FGF12: variants seen among roughly 807,000 people sequenced by gnomAD.
FGF12 encodes fibroblast growth factor 12.
Under a neutral mutation model 23.6 loss-of-function variants are expected in FGF12, and 14 were observed. The observed-to-expected ratio is 0.59, with a 90% CI of 0.39 to 0.93. FGF12 has a LOEUF of 0.93. FGF12 is among the 40% of genes least tolerant of loss of function. FGF12 has a pLI of 0.00. For missense variants in FGF12, 175 were observed against 217.8 expected, an observed-to-expected ratio of 0.80 and a Z score of 1.24; for synonymous variants, 62 against 77.3, an observed-to-expected ratio of 0.80 and a Z score of 1.04.
At chr3:192,312,850 T>C (rs1173664468) in intron 4 of FGF12, among the ~76,000 whole-genome samples, 1 of 152,152 alleles carries the variant, frequency 6.6e-6, no homozygotes, top group African/African-American at 2.4e-5. Flanking sequence ...TATTATAGTA[T>C]TAACGTATAG....
intron 4 of FGF12, among the ~76,000 whole-genome samples, chr3:192,219,683 G>A (rs766497746): frequency 3.9e-5 from 6 of 152,280 alleles, no homozygotes; most frequent in East Asian, 1.9e-4. Context: ...AGACCTACAC[G>A]ATCAGAAATT....
intron 2 of FGF12, among the ~76,000 whole-genome samples, chr3:192,420,141 C>T (rs1721475940): frequency 6.6e-6 from 1 of 151,952 alleles, no homozygotes; most frequent in African/African-American, 2.4e-5. Context: ...GGGTAAGGCA[C>T]CTCAAAATAA....
At chr3:192,190,280 G>T (rs1432571724) in intron 4 of FGF12, among the ~76,000 whole-genome samples, 1 of 151,836 alleles carries the variant, frequency 6.6e-6, no homozygotes, top group Admixed American at 6.6e-5. Context: ...GAAGTTTTAT[G>T]TTTCAAAAAT....
Position 192,529,971 on chromosome 3 carries a change from A to G in FGF12, c.14-169433T>C, listed in dbSNP as rs189135928. Among the ~76,000 whole-genome samples the G allele has an allele frequency of 2.4e-3, 371 of 152,312 alleles. 3 individuals carry two copies. Among genetic ancestry groups the G allele is most frequent in the Non-Finnish European group, 2.4e-3 (166 of 68,032 alleles). On this transcript the variant is annotated intron_variant, in intron 2 of 5. Transcript: ENST00000445105. ...TACACATATCTAATGGGTAGCAATT[A>G]AGGGAAGGTATCTAAAATGTCCATC...
At chr3:192,234,128 T>C in intron 4 of FGF12, among the ~76,000 whole-genome samples, 1 of 152,210 alleles carries the variant, frequency 6.6e-6, no homozygotes, top group Admixed American at 6.5e-5. Context: ...TGGTATTGAA[T>C]CTGTAAATTA....
At chr3:192,328,064 C>T (rs574969330) in intron 4 of FGF12, among the ~76,000 whole-genome samples, 41 of 152,248 alleles carry the variant, frequency 2.7e-4, no homozygotes, top group African/African-American at 9.1e-4. Context: ...TTTTCTTCTT[C>T]TGAGCTGGGG....
intron 2 of FGF12, among the ~76,000 whole-genome samples, chr3:192,661,937 G>A (rs899179296): frequency 1.3e-5 from 2 of 152,196 alleles, no homozygotes; most frequent in African/African-American, 2.4e-5. Context: ...ACAATATCAC[G>A]CTTGCCATAA....
At chr3:192,584,304 G>T (rs1031271032) in intron 2 of FGF12, among the ~76,000 whole-genome samples, 1 of 149,310 alleles carries the variant, frequency 6.7e-6, no homozygotes, top group African/African-American at 2.5e-5. Context: ...GATCTTCTTC[G>T]GCCTTGTAAA....
In FGF12 at chr3:192,408,737, C is replaced by G. The variant is rs965898941; in HGVS notation, c.14-48199G>C. On this transcript the variant is annotated intron_variant, in intron 2 of 5. Coordinates refer to ENST00000445105, the MANE Select transcript of FGF12 (RefSeq NM_004113.6). This position sits in a 1 kb window ranked among gnomAD's most constrained non-coding sequence, Gnocchi z 7.3. The stretch of plus-strand genomic sequence containing the variant: ...TCTGGACCCAGGCGGGTAGCGCGCC[C>G]CCGGTAGAAAATACTAAAAAGTGAA... 1 of 986,624 alleles carries G rather than the reference C, an allele frequency of 1.0e-6. No individual in the cohort carries two copies. Among genetic ancestry groups the G allele is most frequent in the Admixed American group, 6.1e-5 (1 of 16,296 alleles). 61.1% of individuals were successfully genotyped at this position (986,624 alleles called of 1,614,324 possible).
intron 2 of FGF12, among the ~76,000 whole-genome samples, chr3:192,509,192 G>A (rs371263112): frequency 1.1e-3 from 169 of 152,264 alleles, no homozygotes; most frequent in African/African-American, 3.5e-3. Flanking sequence ...AATTGGCATG[G>A]TGCAAGTATC....
chr3:192,327,741 C>T (rs528640408), intron 4 of FGF12, among the ~76,000 whole-genome samples: 2 of 151,930 alleles, frequency 1.3e-5, no homozygotes, highest in Admixed American at 6.6e-5. Flanking sequence ...GCTCTATTGC[C>T]CAGGCTGGAG....
intron 2 of FGF12, among the ~76,000 whole-genome samples, chr3:192,390,765 A>T (rs191192590): frequency 2.4e-4 from 36 of 152,312 alleles, no homozygotes; most frequent in African/African-American, 6.5e-4. Flanking sequence ...TGAAGAGATG[A>T]GTCAAAGATA....
At chr3:192,441,484 G>C (rs554544232) in intron 2 of FGF12, among the ~76,000 whole-genome samples, 7 of 152,228 alleles carry the variant, frequency 4.6e-5, no homozygotes, top group African/African-American at 1.7e-4. Context: ...CAGTGATGTT[G>C]CACGTTTTTT....
chr3:192,330,444 T>C (rs1717048386), intron 4 of FGF12, among the ~76,000 whole-genome samples: 1 of 152,088 alleles, frequency 6.6e-6, no homozygotes, highest in Non-Finnish European at 1.5e-5. Context: ...GGTCAAATCA[T>C]CTTCAACAAG....
At chr3:192,215,623 T>C (rs1386582112) in intron 4 of FGF12, among the ~76,000 whole-genome samples, 4 of 152,184 alleles carry the variant, frequency 2.6e-5, no homozygotes, top group Non-Finnish European at 4.4e-5. Flanking sequence ...CTGTACCTAT[T>C]ATCTCCTAGC....
chr3:192,679,635 CA>C (rs72404495), intron 2 of FGF12, among the ~76,000 whole-genome samples: 34 of 146,072 alleles, frequency 2.3e-4, no homozygotes, highest in Admixed American at 2.7e-4. Context: ...GCCTGCCAAC[CA>C]AAAAAAAAAA....
chr3:192,514,518 G>C lies in FGF12; in HGVS notation c.14-153980C>G, dbSNP rs372030012. 6 of 181,162 alleles carry C rather than the reference G, an allele frequency of 3.3e-5. No homozygotes were observed. The highest frequency in any genetic ancestry group is 1.4e-4 in the African/African-American group (6 of 42,060). 11.2% of individuals were successfully genotyped at this position (181,162 alleles called of 1,614,324 possible). A position where few individuals can be genotyped will look rare whatever the true frequency, so the allele number is the denominator to read the frequency against. On this transcript the variant is annotated intron_variant, in intron 2 of 5. Transcript: ENST00000445105. This position sits in a 1 kb window ranked among gnomAD's most constrained non-coding sequence, Gnocchi z 4.9. ...ATACCCACAGACAGAACCAGCGGAG[G>C]GGCCCTGACCTCGCCCCAGTCGGGA...
intron 2 of FGF12, among the ~76,000 whole-genome samples, chr3:192,645,762 A>C: frequency 7.5e-6 from 1 of 133,440 alleles, no homozygotes; most frequent in Non-Finnish European, 1.6e-5. Flanking sequence ...AGTTGACAAA[A>C]CAGGTAAAAA....
chr3:192,359,762 A>G (rs1238840389), intron 3 of FGF12, among the ~76,000 whole-genome samples: 6 of 151,896 alleles, frequency 4.0e-5, no homozygotes, highest in Non-Finnish European at 5.9e-5. Context: ...AGAAATTATT[A>G]TTAATCTTTG....
Sources: gnomAD v4.1 joint callset for allele counts (sites outside exome capture counted in the v4.1 genomes callset) on GRCh38, gnomAD v4.1.1 for gene constraint, Gnocchi (gnomAD v3.1) non-coding constraint, MANE v1.5 for transcripts, NCBI Gene and HGNC (gene_info 2026-07-23, HGNC 2026-07-21) for gene names.